Variants in ENO4 observed in about 807,000 individuals in gnomAD.
ENO4 encodes the protein 2-phospho-D-glycerate hydro-lyase.
A neutral mutation model predicts 63.2 loss-of-function variants in ENO4; 53 were observed. The ratio of observed to expected loss-of-function variants is 0.84; its 90% CI spans 0.67 to 1.05. The LOEUF is 1.05. ENO4 is among the 50% of genes least tolerant of loss of function. ENO4 has a pLI of 0.00. For synonymous variants in ENO4, 266 were observed against 283.8 expected (o/e 0.94, Z 0.63); for missense variants, 719 against 772.0 (o/e 0.93, Z 0.81).
chr10:116,874,283 TCA>T, intron 10 of ENO4, 82 bp downstream of exon 10: 1 of 1,064,676 alleles, frequency 9.4e-7, no homozygotes, highest in Non-Finnish European at 1.3e-6. Flanking sequence ...ATTTTATAAC[TCA>T]CCTTTTATAT....
chr10:116,868,488 T>C (rs1224369058), intron 7 of ENO4, 162 bp from the exon 8 acceptor site: 2 of 718,342 alleles, frequency 2.8e-6, no homozygotes, highest in African/African-American at 3.5e-5. Flanking sequence ...AGGGAGTGGC[T>C]GGAATCATCC....
chr10:116,894,271 C>A (rs992587419), intron 10 of ENO4, among the ~76,000 whole-genome samples: 2 of 152,082 alleles, frequency 1.3e-5, no homozygotes, highest in Non-Finnish European at 2.9e-5. Context: ...AAATTAAATG[C>A]AAATTAAAAT....
chr10:116,881,268 T>C (rs1846999917), intron 13 of ENO4, among the ~76,000 whole-genome samples: 1 of 152,148 alleles, frequency 6.6e-6, no homozygotes, highest in South Asian at 2.1e-4. Flanking sequence ...CTGCCCAAAG[T>C]CCATGATGCG....
At chr10:116,891,485 C>T (rs10510025) in intron 10 of ENO4, among the ~76,000 whole-genome samples, 44,324 of 152,140 alleles carry the variant, frequency 0.29, 6,810 homozygotes, top group East Asian at 0.51. Context: ...AAACCGCAAC[C>T]ATATTTACCG....
chr10:116,855,521 T>C, intron 1 of ENO4, 102 bp from the exon 2 acceptor site: 1 of 1,417,608 alleles, frequency 7.1e-7, no homozygotes, highest in African/African-American at 1.4e-5. Context: ...CTAGAGTCAA[T>C]GTGAATGACC....
Position 116,879,286 on chromosome 10 carries a change from T to A in ENO4, c.1538-5T>A, listed in dbSNP as rs1846930251. The A allele has an allele frequency of 1.3e-6, 2 of 1,546,902 alleles. No individual in the cohort carries two copies. The highest frequency in any genetic ancestry group is 8.7e-7 in the Non-Finnish European group (1 of 1,144,666). ...ATATAAAACTGAAAGAAATTCCTCT[T>A]CCAGGTAAGAAGCACATCACTGTCT... is the stretch of plus-strand genomic sequence containing the variant. On this transcript the variant is annotated splice_region_variant and splice_polypyrimidine_tract_variant and intron_variant, in intron 11 of 13. Coordinates refer to ENST00000341276, the MANE Select transcript of ENO4 (RefSeq NM_001242699.2).
chr10:116,899,002 T>C (rs1048679286), intron 10 of ENO4, among the ~76,000 whole-genome samples: 1 of 152,202 alleles, frequency 6.6e-6, no homozygotes, highest in Non-Finnish European at 1.5e-5. Flanking sequence ...TGTGATTTTA[T>C]TTAATTTTCT....
chr10:116,868,140 G>A (rs552239548), intron 7 of ENO4, among the ~76,000 whole-genome samples: 1 of 152,256 alleles, frequency 6.6e-6, no homozygotes, highest in South Asian at 2.1e-4. Flanking sequence ...CAGATTTAAT[G>A]ACCTTTGACT....
At chr10:116,903,575 G>A (rs1847837051) in intron 10 of ENO4, among the ~76,000 whole-genome samples, 1 of 152,084 alleles carries the variant, frequency 6.6e-6, no homozygotes, top group Non-Finnish European at 1.5e-5. Flanking sequence ...GCCTCATGTT[G>A]CATGGAGCTG....
chr10:116,885,739 G>A (rs1847145791), downstream of ENO4: 1 of 152,642 alleles, frequency 6.6e-6, no homozygotes, highest in African/African-American at 2.4e-5. Flanking sequence ...TCAATAGCAT[G>A]TATTTTTCAT....
At chr10:116,901,285 C>A (rs1013957055) in intron 10 of ENO4, 79 of 985,200 alleles carry the variant, frequency 8.0e-5, no homozygotes, top group Non-Finnish European at 9.5e-5. Flanking sequence ...ACAGATAACT[C>A]TTTACATAGT....
intron 4 of ENO4, among the ~76,000 whole-genome samples, chr10:116,859,740 A>G (rs1488794040): frequency 1.3e-5 from 2 of 152,056 alleles, no homozygotes; most frequent in Non-Finnish European, 2.9e-5. Flanking sequence ...GGCATGAATC[A>G]TGTTTATTCC....
chr10:116,865,222 C>G (rs1040346526), intron 7 of ENO4, among the ~76,000 whole-genome samples: 2 of 152,102 alleles, frequency 1.3e-5, no homozygotes, highest in African/African-American at 4.8e-5. Flanking sequence ...CAGTCTAGCT[C>G]TGTCACCCAG....
intron 10 of ENO4, among the ~76,000 whole-genome samples, chr10:116,896,851 G>A (rs1198340573): frequency 6.7e-6 from 1 of 150,126 alleles, no homozygotes; most frequent in East Asian, 2.0e-4. Context: ...TGTGGCCCAG[G>A]CTGGGAGTGC....
rs758758514 is a variant in ENO4, at chr10:116,849,588, C to T, written c.22C>T (p.Arg8Cys). MEEEGGG[R>C]SCGTTRELQK... ...TACCATGGAGGAAGAAGGCGGCGGC[C>T]GCAGCTGTGGGACCACTAGGGAGCT... Residue 8 changes from arginine (R) to cysteine (C), a missense_variant, in exon 1 of 14, where the codon CGC (arginine) becomes TGC (cysteine). Coordinates refer to ENST00000341276, the MANE Select transcript of ENO4 (RefSeq NM_001242699.2). The T allele has an allele frequency of 1.7e-5, 26 of 1,545,528 alleles. No individual in the cohort carries two copies. The highest frequency in any genetic ancestry group is 1.9e-5 in the Non-Finnish European group (22 of 1,144,736).
At chr10:116,878,519 A>C (rs575894874) in intron 11 of ENO4, among the ~76,000 whole-genome samples, 2 of 152,308 alleles carry the variant, frequency 1.3e-5, no homozygotes, top group African/African-American at 4.8e-5. Context: ...TTTGAATAAA[A>C]TTCTACACAA....
At chr10:116,886,522 T>G (rs368223618), downstream of ENO4, 72 of 1,614,188 alleles carry the variant, frequency 4.5e-5, no homozygotes, top group African/African-American at 8.1e-4. Flanking sequence ...GGCTTGTTTT[T>G]CACCGTCAAT....
intron 10 of ENO4, among the ~76,000 whole-genome samples, chr10:116,874,823 C>T (rs1846784072): frequency 6.6e-6 from 1 of 152,212 alleles, no homozygotes; most frequent in South Asian, 2.1e-4. Flanking sequence ...TAGGCGTGCA[C>T]CACCACACCC....
At chr10:116,895,829 T>G (rs1847497885) in intron 10 of ENO4, among the ~76,000 whole-genome samples, 1 of 152,220 alleles carries the variant, frequency 6.6e-6, no homozygotes. Context: ...GTTGTTTACC[T>G]CACTGAGCCT....
Sources: gnomAD v4.1 joint callset for allele counts (sites outside exome capture counted in the v4.1 genomes callset) on GRCh38, gnomAD v4.1.1 for gene constraint, MANE v1.5 for transcripts, NCBI Gene and HGNC (gene_info 2026-07-23, HGNC 2026-07-21) for gene names.